The following NEDD4 variants were observed in gnomAD, a reference collection of about 807,000 sequenced individuals.
NEDD4 encodes E3 ubiquitin-protein ligase NEDD4.
A neutral mutation model predicts 144.9 loss-of-function variants in NEDD4; 99 were observed. The observed-to-expected ratio is 0.68, with a 90% CI of 0.58 to 0.81. NEDD4 has a LOEUF of 0.81. NEDD4 is among the 30% of genes least tolerant of loss of function. NEDD4 has a pLI of 0.00. For missense variants in NEDD4, 985 were observed against 1,065.9 expected (o/e 0.92, Z 1.06); for synonymous variants, 318 against 350.6 (o/e 0.91, Z 1.04).
At chr15:55,876,636 T>C (rs1296852199) in intron 5 of NEDD4, among the ~76,000 whole-genome samples, 1 of 151,710 alleles carries the variant, frequency 6.6e-6, no homozygotes, top group Admixed American at 6.6e-5. Flanking sequence ...TAACCCAAAA[T>C]AAGGCAGGAA....
chr15:55,924,671 A>G lies in NEDD4; in HGVS notation c.266T>C (p.Phe89Ser). Residue 89 changes from phenylalanine to serine, a missense_variant, in exon 5 of 29, where the codon TTT becomes TCT. Physicochemically the swap from Phe to Ser is radical, Grantham distance 155. Coordinates refer to ENST00000435532, the MANE Select transcript of NEDD4 (RefSeq NM_006154.4). ...RVHPQQHRLL[F>S]EVFDENRLTR... ...CAATCGGTTTTCGTCAAACACTTCAAAAAGAAGCCGGTGCTGCTGAGGATG... is the reference window on the plus strand; with the variant it reads ...CAATCGGTTTTCGTCAAACACTTCAGAAAGAAGCCGGTGCTGCTGAGGATG... 2.5e-6 allele frequency: 4 copies of G among 1,610,430 alleles called. No individual in the cohort carries two copies. Among genetic ancestry groups the G allele is most frequent in the Non-Finnish European group, 3.4e-6 (4 of 1,178,314 alleles).
intron 2 of NEDD4, 23 bp from the exon 3 acceptor site, chr15:55,951,612 GA>G: frequency 8.8e-7 from 1 of 1,138,864 alleles, no homozygotes; most frequent in Non-Finnish European, 1.2e-6. Context: ...AAAAAAAAAA[GA>G]AAGAAAAATT....
chr15:55,915,766 G>T, intron 5 of NEDD4: 2 of 1,613,696 alleles, frequency 1.2e-6, no homozygotes, highest in Non-Finnish European at 1.7e-6. Context: ...TTATTCGAAA[G>T]AACAATTTTC....
chr15:55,979,857 C>G (rs1245068579), intron 1 of NEDD4, among the ~76,000 whole-genome samples: 1 of 151,940 alleles, frequency 6.6e-6, no homozygotes, highest in African/African-American at 2.4e-5. Flanking sequence ...CCTTTCTCCA[C>G]TTTTAAAACT....
chr15:55,848,882 T>A lies in NEDD4; in HGVS notation c.1352A>T (p.Asp451Val). ...DHNTKTTTWE[D>V]PRLKIPAHLR... ...ATGGGCTGGAATTTTCAATCTTGGA[T>A]CTTCCTTTTTTGGTAGAGTAAATAA... The change falls in exon 15 of 29, where the codon GAT (aspartate) becomes GTT (valine). Residue 451 changes from aspartate to valine, a missense_variant. By Grantham distance (152) the Asp-to-Val change is radical (BLOSUM62 -3). Coordinates refer to ENST00000435532, the MANE Select transcript of NEDD4 (RefSeq NM_006154.4). 2 of 1,613,222 alleles carry A rather than the reference T, an allele frequency of 1.2e-6. No homozygotes were observed. The highest frequency in any genetic ancestry group is 1.7e-6 in the Non-Finnish European group (2 of 1,179,318).
At chr15:55,913,414 C>CTATGG (rs543015569) in intron 5 of NEDD4, among the ~76,000 whole-genome samples, 100 of 152,038 alleles carry the variant, frequency 6.6e-4, no homozygotes, top group Non-Finnish European at 1.4e-3. Flanking sequence ...CTAGAATCTT[C>CTATGG]TCCATAAAAC....
intron 5 of NEDD4, among the ~76,000 whole-genome samples, chr15:55,915,102 G>C (rs557287937): frequency 6.6e-6 from 1 of 152,052 alleles, no homozygotes; most frequent in South Asian, 2.1e-4. Flanking sequence ...ATAACAAATA[G>C]AGTAAAAAAC....
At chr15:55,910,925 C>A (rs557752987) in intron 5 of NEDD4, among the ~76,000 whole-genome samples, 1 of 127,502 alleles carries the variant, frequency 7.8e-6, no homozygotes, top group African/African-American at 3.0e-5. Flanking sequence ...TAAAGACCTC[C>A]ATTGCCCAAC....
At chr15:55,876,433 T>C (rs1328456005) in intron 5 of NEDD4, among the ~76,000 whole-genome samples, 1 of 152,010 alleles carries the variant, frequency 6.6e-6, no homozygotes, top group African/African-American at 2.4e-5. Context: ...CGCTATACTA[T>C]GGGTTTAAAA....
chr15:55,906,276 TAC>T (rs2036090705), intron 5 of NEDD4, among the ~76,000 whole-genome samples: 4 of 152,172 alleles, frequency 2.6e-5, no homozygotes, highest in Admixed American at 2.6e-4. Context: ...GCCATCCCAT[TAC>T]TGGGTATATA....
At chr15:55,863,345 A>G (rs1478698574) in intron 8 of NEDD4, among the ~76,000 whole-genome samples, 1 of 152,192 alleles carries the variant, frequency 6.6e-6, no homozygotes, top group Non-Finnish European at 1.5e-5. Flanking sequence ...ACAAGCCTGT[A>G]AAGTTTCCAC....
chr15:55,901,306 T>A lies in NEDD4; in HGVS notation c.291+23340A>T, dbSNP rs113103087. Among the ~76,000 whole-genome samples the A allele has an allele frequency of 1.3e-5, 2 of 152,266 alleles. 1 individual carries two copies. Among genetic ancestry groups the A allele is most frequent in the African/African-American group, 4.8e-5 (2 of 41,562 alleles). ...TGAAATCGTCTCCATAAGTCAAAAT[T>A]TTCAATGGGGGATCAAAGAAACAAG... On this transcript the variant is annotated intron_variant, in intron 5 of 28. Transcript: ENST00000435532.
intron 19 of NEDD4, 133 bp from the exon 20 acceptor site, chr15:55,840,860 T>TA: frequency 1.1e-6 from 1 of 887,494 alleles, no homozygotes; most frequent in Non-Finnish European, 1.7e-6. Flanking sequence ...TTAATGGTTT[T>TA]AAAAATAGTA....
chr15:55,969,703 C>T (rs72734370), intron 1 of NEDD4, among the ~76,000 whole-genome samples: 23,068 of 151,894 alleles, frequency 0.15, 1,912 homozygotes, highest in East Asian at 0.32. Context: ...CCAGTCCTGC[C>T]AGATTTCACT....
chr15:55,869,742 A>C, intron 7 of NEDD4, 61 bp from the exon 8 acceptor site: 1 of 1,131,692 alleles, frequency 8.8e-7, no homozygotes. Context: ...TATTCAATTA[A>C]TAAGAGTTTA....
intron 24 of NEDD4, 151 bp downstream of exon 24, chr15:55,837,638 G>A (rs1457647061): frequency 7.6e-6 from 4 of 526,886 alleles, no homozygotes; most frequent in South Asian, 3.3e-5. Flanking sequence ...ATGACTGAAT[G>A]GAATATTTAG....
intron 27 of NEDD4, among the ~76,000 whole-genome samples, chr15:55,832,706 C>G (rs2033011920): frequency 6.6e-6 from 1 of 152,168 alleles, no homozygotes; most frequent in Admixed American, 6.5e-5. Flanking sequence ...TGAGCCACCC[C>G]TCCCGGCCAA....
intron 4 of NEDD4, among the ~76,000 whole-genome samples, chr15:55,941,084 C>T (rs937337008): frequency 9.2e-5 from 14 of 152,094 alleles, no homozygotes; most frequent in Non-Finnish European, 1.6e-4. Context: ...AGGTTCCCTC[C>T]TCTGATTCCT....
chr15:55,830,981 T>TGATCTCGGCTCAATGC (rs2141954201), intron 27 of NEDD4, among the ~76,000 whole-genome samples: 1 of 152,322 alleles, frequency 6.6e-6, no homozygotes, highest in African/African-American at 2.4e-5. Flanking sequence ...TAAAATGGCA[T>TGATCTCGGCTCAATGC]GATCTCGGCT....
Sources: allele counts gnomAD v4.1 joint callset (sites outside exome capture counted in the v4.1 genomes callset), GRCh38; gene constraint gnomAD v4.1.1; transcripts MANE v1.5; gene names NCBI Gene and HGNC (gene_info 2026-07-23, HGNC 2026-07-21).